Variants in TACR3 observed in about 807,000 individuals in gnomAD.
TACR3 encodes the protein tachykinin receptor 3.
A neutral mutation model predicts 35.0 loss-of-function variants in TACR3; 34 were observed. The observed-to-expected ratio is 0.97, with a 90% CI of 0.74 to 1.30. The LOEUF is 1.30. Ranked by LOEUF, TACR3 falls within the 50% of genes most tolerant of loss-of-function variation. TACR3 has a pLI of 0.00. For synonymous variants in TACR3, 233 were observed against 221.1 expected, an observed-to-expected ratio of 1.05 and a Z score of -0.48; for missense variants, 558 against 591.7, an observed-to-expected ratio of 0.94 and a Z score of 0.59.
In TACR3 at chr4:103,586,212, C is replaced by CATATATATAT. The variant is rs374252132; in HGVS notation, c.*3460_*3469dup. ...TTACTTCTTATATAAACAGATTTTT[C>CATATATATAT]ATATATATATATATATGTATGAAAA... On this transcript the variant is annotated 3_prime_UTR_variant, in exon 5 of 5. Transcript: ENST00000304883. 4.0e-5 allele frequency: 6 copies of CATATATATAT among 148,778 alleles called. No homozygotes were observed. Among genetic ancestry groups the CATATATATAT allele is most frequent in the African/African-American group, 1.2e-4 (5 of 40,638 alleles). The allele number at this position is 148,778 out of a possible 1,614,324, so 9.2% of individuals were successfully genotyped here.
Position 103,658,409 on chromosome 4 carries a change from T to A in TACR3, c.549-6A>T, listed in dbSNP as rs1211815842. ...GATCAATAATAGCCATATACCTATA[T>A]AAAAACAAACAAAACCATTTCATTG... is the stretch of plus-strand genomic sequence containing the variant. On this transcript the variant is annotated splice_polypyrimidine_tract_variant and splice_region_variant and intron_variant, in intron 1 of 4. Transcript: ENST00000304883. 1.9e-6 allele frequency: 3 copies of A among 1,612,602 alleles called. No homozygotes were observed. The highest frequency in any genetic ancestry group is 1.7e-6 in the Non-Finnish European group (2 of 1,179,006).
chr4:103,668,004 T>C (rs572403293), intron 1 of TACR3, among the ~76,000 whole-genome samples: 1 of 152,188 alleles, frequency 6.6e-6, no homozygotes, highest in East Asian at 1.9e-4. Flanking sequence ...ATTTTTTATA[T>C]TTTTAGTAGA....
chr4:103,711,528 G>A lies in TACR3; in HGVS notation c.548+7600C>T, dbSNP rs960452820. Among the ~76,000 whole-genome samples the A allele has an allele frequency of 5.9e-5, 9 of 152,122 alleles. No homozygotes were observed. The East Asian group carries it at 1.5e-3, about 26-fold the overall frequency. ...AAGAGGTATTTATGACAAACCCACA[G>A]CACATATCATAATGAATGGGCAAAA... On this transcript the variant is annotated intron_variant, in intron 1 of 4. Coordinates refer to ENST00000304883, the MANE Select transcript of TACR3 (RefSeq NM_001059.3).
intron 1 of TACR3, among the ~76,000 whole-genome samples, chr4:103,673,999 G>T (rs1404535914): frequency 6.6e-6 from 1 of 152,136 alleles, no homozygotes; most frequent in Non-Finnish European, 1.5e-5. Context: ...GATGAAAAGG[G>T]AGTGGCAAAC....
chr4:103,591,805 T>C, intron 3 of TACR3, 122 bp from the exon 4 acceptor site: 1 of 978,078 alleles, frequency 1.0e-6, no homozygotes, highest in Non-Finnish European at 1.5e-6. Flanking sequence ...GAATAGTCAA[T>C]ATATTAAAAA....
intron 3 of TACR3, among the ~76,000 whole-genome samples, chr4:103,639,185 T>C (rs931674662): frequency 1.1e-4 from 16 of 152,102 alleles, no homozygotes; most frequent in Non-Finnish European, 2.2e-4. Flanking sequence ...GACTTGGAAC[T>C]AACCCAAATG....
chr4:103,719,939 A>C lies in TACR3; in HGVS notation c.-264T>G. ...CCGAGATTAAGGGTTATCGAGTCACATCACACGTAGGGAGGGTGCCAGCTG... is the reference window on the plus strand; with the variant it reads ...CCGAGATTAAGGGTTATCGAGTCACCTCACACGTAGGGAGGGTGCCAGCTG... On this transcript the variant is annotated 5_prime_UTR_variant, in exon 1 of 5. The change abolishes an upstream ATG in the 5' untranslated region. Coordinates refer to ENST00000304883, the MANE Select transcript of TACR3 (RefSeq NM_001059.3). 1.8e-6 allele frequency: 1 copy of C among 570,768 alleles called. No homozygotes were observed. Among genetic ancestry groups the C allele is most frequent in the African/African-American group, 1.9e-5 (1 of 53,676 alleles). The allele number at this position is 570,768 out of a possible 1,614,324, so 35.4% of individuals were successfully genotyped here.
chr4:103,621,433 G>T (rs985696409), intron 3 of TACR3, among the ~76,000 whole-genome samples: 5 of 152,168 alleles, frequency 3.3e-5, no homozygotes, highest in Admixed American at 3.3e-4. Context: ...CATAAATTCA[G>T]ATTTTAGATA....
At chr4:103,683,911 G>T (rs1477335326) in intron 1 of TACR3, among the ~76,000 whole-genome samples, 3 of 151,582 alleles carry the variant, frequency 2.0e-5, no homozygotes, top group Non-Finnish European at 2.9e-5. Flanking sequence ...ATCCAAAAAT[G>T]GTATTTGTTT....
intron 3 of TACR3, among the ~76,000 whole-genome samples, chr4:103,617,994 A>G (rs1724698270): frequency 6.6e-6 from 1 of 152,222 alleles, no homozygotes; most frequent in Admixed American, 6.5e-5. Context: ...GAGAAAAATC[A>G]TAAAATATCC....
intron 3 of TACR3, among the ~76,000 whole-genome samples, chr4:103,653,962 G>A (rs992431133): frequency 2.6e-5 from 4 of 151,164 alleles, no homozygotes; most frequent in Admixed American, 6.6e-5. Context: ...ATCATCACTG[G>A]CCATCAGAGA....
At chr4:103,702,139 G>A (rs977835148) in intron 1 of TACR3, among the ~76,000 whole-genome samples, 12 of 152,082 alleles carry the variant, frequency 7.9e-5, no homozygotes, top group South Asian at 2.1e-4. Flanking sequence ...GAAAATTTTC[G>A]CAACTTACTC....
chr4:103,669,128 G>A (rs970630370), intron 1 of TACR3, among the ~76,000 whole-genome samples: 7 of 151,702 alleles, frequency 4.6e-5, no homozygotes, highest in Non-Finnish European at 8.8e-5. Flanking sequence ...TATTCATATC[G>A]TTGCAAATGA....
At chr4:103,717,869 AT>A (rs1310764887) in intron 1 of TACR3, among the ~76,000 whole-genome samples, 1 of 152,068 alleles carries the variant, frequency 6.6e-6, no homozygotes, top group African/African-American at 2.4e-5. Context: ...AGGGGTGCAT[AT>A]GTGTGGATAA....
chr4:103,682,303 T>C (rs1421069821), intron 1 of TACR3, among the ~76,000 whole-genome samples: 1 of 152,078 alleles, frequency 6.6e-6, no homozygotes, highest in African/African-American at 2.4e-5. Context: ...ATAAAGATAC[T>C]ACCCAAGAGT....
At chr4:103,699,270 A>C (rs1417745426) in intron 1 of TACR3, among the ~76,000 whole-genome samples, 3 of 152,204 alleles carry the variant, frequency 2.0e-5, no homozygotes, top group Non-Finnish European at 4.4e-5. Context: ...TTGGAGGAAG[A>C]ATATTTTCTA....
intron 1 of TACR3, among the ~76,000 whole-genome samples, chr4:103,669,313 A>G (rs1726002883): frequency 6.6e-6 from 1 of 152,210 alleles, no homozygotes; most frequent in Admixed American, 6.5e-5. Flanking sequence ...TAGTGCTACA[A>G]TAAACATGGG....
At chr4:103,637,591 C>G (rs1725222230) in intron 3 of TACR3, among the ~76,000 whole-genome samples, 1 of 152,032 alleles carries the variant, frequency 6.6e-6, no homozygotes, top group Non-Finnish European at 1.5e-5. Flanking sequence ...CTGGCCAGGG[C>G]AATCAGGCAG....
chr4:103,597,477 T>C (rs952319328), intron 3 of TACR3, among the ~76,000 whole-genome samples: 2 of 152,122 alleles, frequency 1.3e-5, no homozygotes, highest in Admixed American at 1.3e-4. Flanking sequence ...TATTATACTT[T>C]AAGTTTTAGG....
Sources: gnomAD v4.1 joint callset for allele counts (sites outside exome capture counted in the v4.1 genomes callset) on GRCh38, gnomAD v4.1.1 for gene constraint, MANE v1.5 for transcripts, NCBI Gene and HGNC (gene_info 2026-07-23, HGNC 2026-07-21) for gene names.